The following PLA2G2D variants were observed in gnomAD, a reference collection of about 807,000 sequenced individuals.
The protein encoded by PLA2G2D is group IID secretory phospholipase A2.
PLA2G2D carries 17 observed loss-of-function variants against 13.9 expected under a neutral mutation model. The observed-to-expected ratio is 1.23, with a 90% CI of 0.84 to 1.84. The LOEUF (loss-of-function observed/expected upper bound fraction) is 1.84. Among genes scored for constraint, PLA2G2D ranks in the 40% most tolerant of loss-of-function variants. PLA2G2D has a pLI of 0.00. For missense variants in PLA2G2D, 194 were observed against 178.7 expected (o/e 1.09, Z -0.49); for synonymous variants, 83 against 69.3 (o/e 1.20, Z -0.98).
In PLA2G2D at chr1:20,116,318, T is replaced by C; in HGVS notation, c.185+15A>G. On this transcript the variant is annotated intron_variant, in intron 2 of 3. Transcript: ENST00000375105. Reference sequence around the variant, plus strand: ...GGGGACAGTATAGGATTGCCAGCCCTGAGAAAGGAGTTACCAGTCCGTGGC... The same window carrying C: ...GGGGACAGTATAGGATTGCCAGCCCCGAGAAAGGAGTTACCAGTCCGTGGC... The C allele has an allele frequency of 6.2e-7, 1 of 1,613,664 alleles. No individual in the cohort carries two copies. The highest frequency in any genetic ancestry group is 1.1e-5 in the South Asian group (1 of 91,068).
At chr1:20,117,608 G>A (rs1472407867) in intron 1 of PLA2G2D, among the ~76,000 whole-genome samples, 2 of 152,164 alleles carry the variant, frequency 1.3e-5, no homozygotes, top group Non-Finnish European at 2.9e-5. Context: ...GAATTCAAGT[G>A]GGAGGTTGGG....
intron 1 of PLA2G2D, among the ~76,000 whole-genome samples, chr1:20,118,427 G>A (rs2017029823): frequency 6.6e-6 from 1 of 152,136 alleles, no homozygotes; most frequent in Non-Finnish European, 1.5e-5. Flanking sequence ...TGATGAACTG[G>A]CTTAGCTTGT....
Position 20,113,922 on chromosome 1 carries a change from G to A in PLA2G2D, c.*192C>T. On this transcript the variant is annotated 3_prime_UTR_variant, in exon 4 of 4. Coordinates refer to ENST00000375105, the MANE Select transcript of PLA2G2D (RefSeq NM_012400.4). ...CCCAAGATTCCCATCCACCCTCAGA[G>A]GACACAGCTACTGCCTCAACTGGGA... The A allele has an allele frequency of 5.8e-6, 3 of 520,736 alleles. No individual in the cohort carries two copies. The highest frequency in any genetic ancestry group is 6.9e-6 in the Non-Finnish European group (2 of 287,870). 32.3% of individuals were successfully genotyped at this position (520,736 alleles called of 1,614,324 possible). A position where few individuals can be genotyped will look rare whatever the true frequency, so the allele number is the denominator to read the frequency against.
chr1:20,119,330 G>T, intron 1 of PLA2G2D, 129 bp downstream of exon 1: 2 of 839,712 alleles, frequency 2.4e-6, no homozygotes, highest in Non-Finnish European at 4.2e-6. Flanking sequence ...CAGAGGGGCA[G>T]AAGGATTGGG....
At chr1:20,115,359 C>T (rs781416291) in intron 3 of PLA2G2D, 148 bp downstream of exon 3, 42 of 648,334 alleles carry the variant, frequency 6.5e-5, no homozygotes, top group Non-Finnish European at 9.9e-5. Flanking sequence ...CCCCCATACC[C>T]ATTCTTGCCT....
chr1:20,114,010 T>C lies in PLA2G2D; in HGVS notation c.*104A>G. ...AGAGGGTTCCGGGGGAGGCTGGGACTACCTCCCCCCGGAGTGTTTGAAAAG... is the reference window on the plus strand; with the variant it reads ...AGAGGGTTCCGGGGGAGGCTGGGACCACCTCCCCCCGGAGTGTTTGAAAAG... On this transcript the variant is annotated 3_prime_UTR_variant, in exon 4 of 4. Coordinates refer to ENST00000375105, the MANE Select transcript of PLA2G2D (RefSeq NM_012400.4). 1 of 1,046,166 alleles carries C rather than the reference T, an allele frequency of 9.6e-7. No homozygotes were observed. The highest frequency in any genetic ancestry group is 1.4e-6 in the Non-Finnish European group (1 of 712,502). 64.8% of individuals were successfully genotyped at this position (1,046,166 alleles called of 1,614,324 possible).
intron 3 of PLA2G2D, among the ~76,000 whole-genome samples, chr1:20,114,787 G>T (rs2016950538): frequency 6.6e-6 from 1 of 152,076 alleles, no homozygotes; most frequent in Non-Finnish European, 1.5e-5. Flanking sequence ...TTGCCTAGGG[G>T]GCTGTCATGA....
chr1:20,115,727 G>C, intron 2 of PLA2G2D, 114 bp from the exon 3 acceptor site: 1 of 728,198 alleles, frequency 1.4e-6, no homozygotes, highest in South Asian at 1.5e-5. Flanking sequence ...AAGGCCTGCA[G>C]GGCTGCAGTC....
chr1:20,118,442 C>T (rs1461035852), intron 1 of PLA2G2D, among the ~76,000 whole-genome samples: 4 of 152,108 alleles, frequency 2.6e-5, no homozygotes, highest in East Asian at 1.9e-4. Context: ...GCTTGTCAGC[C>T]GTTCTTGCCT....
At chr1:20,114,574 T>C (rs975113445) in intron 3 of PLA2G2D, among the ~76,000 whole-genome samples, 1 of 152,090 alleles carries the variant, frequency 6.6e-6, no homozygotes, top group African/African-American at 2.4e-5. Context: ...AAAACAACTA[T>C]GCAAAGTTAA....
chr1:20,114,080 C>A lies in PLA2G2D; in HGVS notation c.*34G>T, dbSNP rs1557766882. The A allele has an allele frequency of 1.9e-6, 3 of 1,597,576 alleles. No homozygotes were observed. In the East Asian group the frequency reaches 6.7e-5, roughly 36 times the overall value. On this transcript the variant is annotated 3_prime_UTR_variant, in exon 4 of 4. Transcript: ENST00000375105. ...ATACTGAGGTGGGGATGCCAGAGCT[C>A]CATGCTGAGGAACAGGGTAGAGGGT...
At chr1:20,118,083 C>T (rs1451868008) in intron 1 of PLA2G2D, among the ~76,000 whole-genome samples, 2 of 152,144 alleles carry the variant, frequency 1.3e-5, no homozygotes, top group East Asian at 3.9e-4. Context: ...TGGAATCATA[C>T]ACAATCCATC....
Position 20,116,365 on chromosome 1 carries a change from A to G in PLA2G2D, c.153T>C (p.Gly51=), listed in dbSNP as rs750874801. 4 of 1,614,192 alleles carry G rather than the reference A, an allele frequency of 2.5e-6. No homozygotes were observed. In the South Asian group the frequency reaches 4.4e-5, roughly 18 times the overall value. The change falls in exon 2 of 4, where the codon GGT becomes GGC. Residue 51 remains glycine, a synonymous_variant. Transcript: ENST00000375105. ...YWPYGCHCGL[G]GRGQPKDATD... ...TGGCATCTTTGGGTTGGCCTCTGCC[A>G]CCTAGTCCGCAGTGACAGCCGTAGG...
chr1:20,115,376 A>C, intron 3 of PLA2G2D, 131 bp downstream of exon 3: 2 of 674,070 alleles, frequency 3.0e-6, no homozygotes, highest in South Asian at 1.7e-5. Flanking sequence ...GCCTCTTCAC[A>C]GCCCAACTGC....
At chr1:20,118,831 T>C (rs535421656) in intron 1 of PLA2G2D, among the ~76,000 whole-genome samples, 6 of 152,296 alleles carry the variant, frequency 3.9e-5, no homozygotes, top group African/African-American at 7.2e-5. Context: ...TTCCTAATGG[T>C]TTTTGCTGTA....
chr1:20,117,739 G>A (rs1423820063), intron 1 of PLA2G2D, among the ~76,000 whole-genome samples: 1 of 152,124 alleles, frequency 6.6e-6, no homozygotes, highest in East Asian at 1.9e-4. Flanking sequence ...GGGCTGGGCA[G>A]CCCCTCTTCG....
chr1:20,114,063 G>T lies in PLA2G2D; in HGVS notation c.*51C>A. On this transcript the variant is annotated 3_prime_UTR_variant, in exon 4 of 4. Transcript: ENST00000375105. ...AGGCTGGTTCAGGTTAGATACTGAG[G>T]TGGGGATGCCAGAGCTCCATGCTGA... The T allele has an allele frequency of 6.4e-7, 1 of 1,568,388 alleles. No homozygotes were observed. Among genetic ancestry groups the T allele is most frequent in the African/African-American group, 1.4e-5 (1 of 73,918 alleles).
chr1:20,115,721 C>T (rs1171953281), intron 2 of PLA2G2D, 108 bp from the exon 3 acceptor site: 1 of 751,184 alleles, frequency 1.3e-6, no homozygotes. Context: ...AGAGTCAAGG[C>T]CTGCAGGGCT....
intron 1 of PLA2G2D, among the ~76,000 whole-genome samples, chr1:20,117,965 G>A (rs1408808410): frequency 6.6e-6 from 1 of 152,148 alleles, no homozygotes; most frequent in African/African-American, 2.4e-5. Context: ...CAATGTGTGG[G>A]AGTCCATGTT....
Sources: gnomAD v4.1 joint callset for allele counts (sites outside exome capture counted in the v4.1 genomes callset) on GRCh38, gnomAD v4.1.1 for gene constraint, MANE v1.5 for transcripts, NCBI Gene and HGNC (gene_info 2026-07-23, HGNC 2026-07-21) for gene names.